The following RAB38 variants were observed in gnomAD, a reference collection of about 807,000 sequenced individuals.
RAB38 encodes ras-related protein Rab-38.
A neutral mutation model predicts 18.4 loss-of-function variants in RAB38; 15 were observed. The observed-to-expected ratio is 0.82, with a 90% CI of 0.55 to 1.26. RAB38 has a LOEUF of 1.26. RAB38 is among the 50% of genes most tolerant of loss of function. The pLI is 0.00. For synonymous variants in RAB38, 101 were observed against 104.4 expected, an observed-to-expected ratio of 0.97 and a Z score of 0.20; for missense variants, 294 against 267.4, an observed-to-expected ratio of 1.10 and a Z score of -0.69.
At chr11:88,019,106 C>G in the RAB38 span, among the ~76,000 whole-genome samples, 4 of 152,032 alleles carry the variant, frequency 2.6e-5, no homozygotes, top group South Asian at 6.2e-4. Context: ...CTTCTCTTCT[C>G]TAACCACACT....
At chr11:87,950,946 G>GC in the RAB38 span, among the ~76,000 whole-genome samples, 1 of 152,118 alleles carries the variant, frequency 6.6e-6, no homozygotes, top group Non-Finnish European at 1.5e-5. Context: ...TTGCTAGATT[G>GC]GGGAAGTTCT....
chr11:87,967,247 T>C, the RAB38 span, among the ~76,000 whole-genome samples: 12 of 152,306 alleles, frequency 7.9e-5, no homozygotes, highest in African/African-American at 2.9e-4. Flanking sequence ...TAAATTATTG[T>C]AATATTGTTA....
At chr11:87,900,033 C>A in the RAB38 span, among the ~76,000 whole-genome samples, 6 of 151,468 alleles carry the variant, frequency 4.0e-5, no homozygotes, top group East Asian at 1.2e-3. Flanking sequence ...CTGAACGAGA[C>A]ACTGACGGGC....
At chr11:88,029,300 A>G in the RAB38 span, among the ~76,000 whole-genome samples, 1 of 152,064 alleles carries the variant, frequency 6.6e-6, no homozygotes, top group Admixed American at 6.6e-5. Flanking sequence ...GACCATCGAG[A>G]CTAGGAAGAA....
At chr11:88,131,238 T>A (rs1286622698) in intron 2 of RAB38, among the ~76,000 whole-genome samples, 1 of 152,194 alleles carries the variant, frequency 6.6e-6, no homozygotes, top group Non-Finnish European at 1.5e-5. Context: ...ATTTTTTAAG[T>A]TGCACACAAT....
chr11:87,911,968 A>G, the RAB38 span, among the ~76,000 whole-genome samples: 1,098 of 151,834 alleles, frequency 7.2e-3, 12 homozygotes, highest in African/African-American at 0.025. Flanking sequence ...TATTGAGATG[A>G]TCTTTTTTTC....
chr11:88,043,479 T>C, the RAB38 span, among the ~76,000 whole-genome samples: 1 of 152,086 alleles, frequency 6.6e-6, no homozygotes, highest in Non-Finnish European at 1.5e-5. Context: ...TGGCCTGAAG[T>C]AACAGAAGAA....
the RAB38 span, among the ~76,000 whole-genome samples, chr11:87,805,473 T>G: frequency 4.6e-5 from 7 of 152,162 alleles, no homozygotes; most frequent in East Asian, 1.4e-3. Flanking sequence ...CAAATATTAT[T>G]GAGCTCTCTC....
chr11:88,151,559 T>C lies in RAB38; in HGVS notation c.203-1604A>G, dbSNP rs558110547. Among the ~76,000 whole-genome samples, 4 of 152,330 alleles carry C rather than the reference T, an allele frequency of 2.6e-5. No homozygotes were observed. The South Asian group carries it at 8.3e-4, about 32-fold the overall frequency. ...ATGTTAAGAGTCTTATAAAGTTATATAAATTAAAATAAAGTTAGTGTGCAT... is the reference window on the plus strand; with the variant it reads ...ATGTTAAGAGTCTTATAAAGTTATACAAATTAAAATAAAGTTAGTGTGCAT... On this transcript the variant is annotated intron_variant, in intron 1 of 2. Transcript: ENST00000243662.
chr11:88,082,970 C>T, the RAB38 span, among the ~76,000 whole-genome samples: 1 of 151,866 alleles, frequency 6.6e-6, no homozygotes, highest in African/African-American at 2.4e-5. Flanking sequence ...GTTCTCCTGA[C>T]ATCTCTTTCT....
the RAB38 span, among the ~76,000 whole-genome samples, chr11:88,052,767 C>A: frequency 1.3e-5 from 2 of 150,956 alleles, no homozygotes; most frequent in Non-Finnish European, 2.9e-5. Flanking sequence ...CCTTTGACAG[C>A]AAGGAATCTT....
At chr11:87,954,932 C>T in the RAB38 span, among the ~76,000 whole-genome samples, 1 of 152,120 alleles carries the variant, frequency 6.6e-6, no homozygotes, top group African/African-American at 2.4e-5. Context: ...TCAAAATAAG[C>T]AGAGGAAAGA....
chr11:88,024,611 T>C, the RAB38 span, among the ~76,000 whole-genome samples: 1 of 152,170 alleles, frequency 6.6e-6, no homozygotes, highest in South Asian at 2.1e-4. Flanking sequence ...CTGTTCATAA[T>C]GGCCAAGATT....
At chr11:88,081,944 A>G in the RAB38 span, among the ~76,000 whole-genome samples, 1 of 151,936 alleles carries the variant, frequency 6.6e-6, no homozygotes, top group Non-Finnish European at 1.5e-5. Flanking sequence ...CTACTAATAC[A>G]TGTAACAAAA....
the RAB38 span, among the ~76,000 whole-genome samples, chr11:87,866,027 G>T: frequency 6.6e-6 from 1 of 151,692 alleles, no homozygotes; most frequent in Non-Finnish European, 1.5e-5. Flanking sequence ...TTTTATAGAA[G>T]AGAATTCGGA....
At chr11:88,035,613 T>C in the RAB38 span, among the ~76,000 whole-genome samples, 3 of 152,190 alleles carry the variant, frequency 2.0e-5, no homozygotes, top group Admixed American at 1.3e-4. Flanking sequence ...GAGAAAGACA[T>C]AGACCAGAAA....
the RAB38 span, among the ~76,000 whole-genome samples, chr11:87,822,032 A>G: frequency 6.6e-6 from 1 of 152,102 alleles, no homozygotes; most frequent in Non-Finnish European, 1.5e-5. Flanking sequence ...TGCCTCTTCT[A>G]ATTACTGCAG....
the RAB38 span, among the ~76,000 whole-genome samples, chr11:88,027,569 T>C: frequency 6.6e-6 from 1 of 152,222 alleles, no homozygotes; most frequent in Non-Finnish European, 1.5e-5. Flanking sequence ...CAGGAGATTA[T>C]ATCCCGCAAC....
At chr11:88,126,736 GCT>G (rs1259769992) in intron 2 of RAB38, among the ~76,000 whole-genome samples, 4 of 151,974 alleles carry the variant, frequency 2.6e-5, no homozygotes, top group Non-Finnish European at 5.9e-5. Context: ...AAGTATCCCA[GCT>G]CTGTGTATTG....
Sources: allele counts gnomAD v4.1 joint callset (sites outside exome capture counted in the v4.1 genomes callset), GRCh38; gene constraint gnomAD v4.1.1; transcripts MANE v1.5; gene names NCBI Gene and HGNC (gene_info 2026-07-23, HGNC 2026-07-21).